Variants in GPHN observed in about 807,000 individuals in gnomAD.
GPHN encodes the protein gephyrin.
A neutral mutation model predicts 95.5 loss-of-function variants in GPHN; 17 were observed. The ratio of observed to expected loss-of-function variants is 0.18; its 90% confidence interval spans 0.12 to 0.27. The LOEUF (loss-of-function observed/expected upper bound fraction) is 0.27. GPHN is among the 10% of genes least tolerant of loss of function. The probability of loss-of-function intolerance (pLI) is 1.00; values close to 1 mark genes in which losing one functional copy is unlikely to be tolerated. For missense variants in GPHN, 660 were observed against 978.1 expected (o/e 0.67, Z 4.34); for synonymous variants, 320 against 322.5 (o/e 0.99, Z 0.08).
intron 17 of GPHN, among the ~76,000 whole-genome samples, chr14:67,133,566 G>C (rs950829483): frequency 1.3e-5 from 2 of 151,950 alleles, no homozygotes; most frequent in Non-Finnish European, 2.9e-5. Flanking sequence ...ATTTTAAAAA[G>C]CAAAAAAAGT....
At chr14:67,653,633 G>C in the GPHN span, 1 of 699,842 alleles carries the variant, frequency 1.4e-6, no homozygotes. Context: ...TTAAATGATG[G>C]CCTTTGAGTG....
chr14:67,472,100 T>C, the GPHN span: 1 of 152,012 alleles, frequency 6.6e-6, no homozygotes. Flanking sequence ...GTTTAAGGAG[T>C]GAGCTCAAAG....
chr14:67,552,780 A>G, the GPHN span, among the ~76,000 whole-genome samples: 7 of 143,726 alleles, frequency 4.9e-5, no homozygotes, highest in African/African-American at 1.5e-4. Flanking sequence ...AAAAAAAAAC[A>G]AAAACAAAAA....
intron 9 of GPHN, among the ~76,000 whole-genome samples, chr14:66,983,145 A>T (rs553578990): frequency 6.6e-6 from 1 of 152,112 alleles, no homozygotes; most frequent in South Asian, 2.1e-4. Context: ...TCAGCTATTC[A>T]GGAGGCTGAG....
the GPHN span, among the ~76,000 whole-genome samples, chr14:67,543,624 T>C: frequency 6.6e-6 from 1 of 152,052 alleles, no homozygotes; most frequent in Non-Finnish European, 1.5e-5. Context: ...AATCATTCTG[T>C]ACACTATGAA....
At chr14:66,883,647 G>T (rs1567057473) in intron 5 of GPHN, among the ~76,000 whole-genome samples, 2 of 151,980 alleles carry the variant, frequency 1.3e-5, no homozygotes, top group African/African-American at 2.4e-5. Flanking sequence ...ATCCTTTGGG[G>T]AATTTTAATT....
chr14:66,941,767 T>C (rs2067444640), intron 8 of GPHN, among the ~76,000 whole-genome samples: 2 of 152,060 alleles, frequency 1.3e-5, no homozygotes, highest in African/African-American at 4.8e-5. Context: ...AACAACTATA[T>C]TGCCAGAAGT....
chr14:66,853,048 C>T (rs571572701), intron 4 of GPHN, among the ~76,000 whole-genome samples: 1 of 152,256 alleles, frequency 6.6e-6, no homozygotes, highest in Non-Finnish European at 1.5e-5. Context: ...GGTCTGTCCT[C>T]CACAAATGAA....
Position 66,835,595 on chromosome 14 carries a change from G to T in GPHN, c.294+11029G>T, listed in dbSNP as rs569232322. Among the ~76,000 whole-genome samples the T allele has an allele frequency of 3.0e-3, 451 of 151,840 alleles. 3 individuals are homozygous for T. The highest frequency in any genetic ancestry group is 0.01 in the African/African-American group (434 of 41,384). On this transcript the variant is annotated intron_variant, in intron 4 of 22. Transcript: ENST00000478722. Reference sequence around the variant, plus strand: ...AACATAGTGTTGGAAGTTCTGGCCAGGGCAATTAGGCAGGAGAAGGAAATA... The same window carrying T: ...AACATAGTGTTGGAAGTTCTGGCCATGGCAATTAGGCAGGAGAAGGAAATA...
At chr14:67,332,638 G>C in the GPHN span, 1 of 754,844 alleles carries the variant, frequency 1.3e-6, no homozygotes, top group Non-Finnish European at 2.1e-6. Context: ...GCCGTGACAG[G>C]GTTGGAAAGG....
chr14:66,774,992 G>A (rs1434976303), intron 2 of GPHN, among the ~76,000 whole-genome samples: 1 of 151,948 alleles, frequency 6.6e-6, no homozygotes, highest in Non-Finnish European at 1.5e-5. Context: ...CACTGAAATT[G>A]TGAGATTAAA....
chr14:67,733,434 T>C, the GPHN span, among the ~76,000 whole-genome samples: 1 of 152,220 alleles, frequency 6.6e-6, no homozygotes, highest in Non-Finnish European at 1.5e-5. Flanking sequence ...TTATAAATAT[T>C]TTTATATCAC....
chr14:66,582,061 A>G (rs889592691), intron 1 of GPHN, among the ~76,000 whole-genome samples: 1 of 152,098 alleles, frequency 6.6e-6, no homozygotes, highest in South Asian at 2.1e-4. Context: ...TCAGCCTTCT[A>G]TCCAACAGTA....
At chr14:67,323,232 C>T in the GPHN span, among the ~76,000 whole-genome samples, 3 of 143,592 alleles carry the variant, frequency 2.1e-5, no homozygotes, top group African/African-American at 7.8e-5. Context: ...CATATATACA[C>T]GTGTGTGTGT....
At chr14:67,620,854 CCTT>C in the GPHN span, 1 of 1,610,120 alleles carries the variant, frequency 6.2e-7, no homozygotes, top group Non-Finnish European at 8.5e-7. Flanking sequence ...TTTTCCGACA[CCTT>C]CTCTACCTCT....
intron 21 of GPHN, among the ~76,000 whole-genome samples, chr14:67,176,068 T>C (rs2082926199): frequency 6.6e-6 from 1 of 152,182 alleles, no homozygotes; most frequent in Non-Finnish European, 1.5e-5. Context: ...TACCCTTTAT[T>C]GCTTTCTCTT....
Position 66,761,591 on chromosome 14 carries a change from G to C in GPHN, c.144-14873G>C, listed in dbSNP as rs1595817986. On this transcript the variant is annotated intron_variant, in intron 2 of 22. Coordinates refer to ENST00000478722, the MANE Select transcript of GPHN (RefSeq NM_020806.5). ...AGGTAGTTGTGGATGTTGGGGATGA[G>C]AACTGAATAATCTTTGCCTGGAGTG... 2.6e-5 allele frequency among the ~76,000 whole-genome samples: 4 copies of C among 151,776 alleles called. No homozygotes were observed. In the South Asian group the frequency reaches 8.3e-4, roughly 32 times the overall value.
At chr14:66,662,557 G>A (rs1376542896) in intron 1 of GPHN, among the ~76,000 whole-genome samples, 1 of 152,182 alleles carries the variant, frequency 6.6e-6, no homozygotes, top group East Asian at 1.9e-4. Flanking sequence ...AAAAGCCACA[G>A]TGCCCTCTTC....
chr14:66,851,417 C>T (rs926533023), intron 4 of GPHN, among the ~76,000 whole-genome samples: 8 of 151,918 alleles, frequency 5.3e-5, no homozygotes, highest in African/African-American at 1.7e-4. Flanking sequence ...TGTGTTTTAC[C>T]GAACTTTGTA....
Sources: gnomAD v4.1 joint callset for allele counts (sites outside exome capture counted in the v4.1 genomes callset) on GRCh38, gnomAD v4.1.1 for gene constraint, MANE v1.5 for transcripts, NCBI Gene and HGNC (gene_info 2026-07-23, HGNC 2026-07-21) for gene names.